HERC3: variants seen among roughly 807,000 people sequenced by gnomAD.
The protein encoded by HERC3 is probable E3 ubiquitin-protein ligase HERC3.
HERC3 carries 58 observed loss-of-function variants against 129.9 expected under a neutral mutation model. The observed-to-expected ratio is 0.45, with a 90% confidence interval of 0.36 to 0.56. HERC3 has a LOEUF of 0.56. HERC3 is among the 20% of genes least tolerant of loss of function. The probability of loss-of-function intolerance (pLI) is 0.00; values close to 1 mark genes in which losing one functional copy is unlikely to be tolerated. For synonymous variants in HERC3, 430 were observed against 451.0 expected (o/e 0.95, Z 0.59); for missense variants, 835 against 1,244.2 (o/e 0.67, Z 4.95).
At chr4:88,598,128 AT>A (rs1722591611) in intron 2 of HERC3, 1 of 152,158 alleles carries the variant, frequency 6.6e-6, no homozygotes, top group Non-Finnish European at 1.5e-5. Context: ...GCTTATCCCT[AT>A]TTTAAATGAG....
At chr4:88,573,653 G>A in the HERC3 span, among the ~76,000 whole-genome samples, 8 of 152,314 alleles carry the variant, frequency 5.3e-5, no homozygotes, top group African/African-American at 1.9e-4. Context: ...TCCCAAAGGA[G>A]ATTCCCATGC....
At chr4:88,540,810 T>G in the HERC3 span, among the ~76,000 whole-genome samples, 1 of 152,088 alleles carries the variant, frequency 6.6e-6, no homozygotes, top group African/African-American at 2.4e-5. Context: ...TAAAAAAATT[T>G]TCAATCCAGA....
chr4:88,593,390 G>C (rs899320634), intron 1 of HERC3: 2 of 152,414 alleles, frequency 1.3e-5, no homozygotes, highest in Admixed American at 1.3e-4. Context: ...AGGGCAACCA[G>C]ACCGAGAGGA....
the HERC3 span, among the ~76,000 whole-genome samples, chr4:88,563,477 T>C: frequency 3.9e-5 from 6 of 152,156 alleles, no homozygotes; most frequent in Non-Finnish European, 8.8e-5. Flanking sequence ...TCTTTCCAAT[T>C]TGGATGCCCT....
At chr4:88,549,302 C>T in the HERC3 span, among the ~76,000 whole-genome samples, 2 of 148,406 alleles carry the variant, frequency 1.3e-5, no homozygotes, top group East Asian at 4.1e-4. Context: ...AGGTTTTTTA[C>T]TTAACAGTAA....
At position 88,706,768 on chromosome 4, in the gene HERC3, C is replaced by G; in HGVS notation, c.2961C>G (p.Ser987Arg). ...KKKFLLFLTG[S>R]DRIPIYGMAS... ...TCTCCCCAGTGTTCCTGACAGGCAGCGATCGGATTCCCATCTACGGCATGG... is the reference window on the plus strand; with the variant it reads ...TCTCCCCAGTGTTCCTGACAGGCAGGGATCGGATTCCCATCTACGGCATGG... Residue 987 changes from serine (S) to arginine (R), a missense_variant, in exon 26 of 26, where the codon AGC becomes AGG. Transcript: ENST00000402738. 6.2e-7 allele frequency: 1 copy of G among 1,614,062 alleles called. No homozygotes were observed. Among genetic ancestry groups the G allele is most frequent in the Non-Finnish European group, 8.5e-7 (1 of 1,179,954 alleles).
At chr4:88,693,212 A>G (rs961358849) in intron 23 of HERC3, 1 of 980,194 alleles carries the variant, frequency 1.0e-6, no homozygotes, top group Non-Finnish European at 1.2e-6. Flanking sequence ...CCCCACCACC[A>G]TTTTTAATAA....
intron 22 of HERC3, 26 bp from the exon 23 acceptor site, chr4:88,687,191 A>G: frequency 1.3e-6 from 2 of 1,561,034 alleles, no homozygotes; most frequent in Non-Finnish European, 1.8e-6. Flanking sequence ...AAATTGAAAT[A>G]TTTCTTTTTT....
the HERC3 span, among the ~76,000 whole-genome samples, chr4:88,552,896 C>T: frequency 3.3e-5 from 5 of 152,284 alleles, no homozygotes; most frequent in Non-Finnish European, 5.9e-5. Context: ...TTCCCTCTTT[C>T]GCTACCCTCC....
At chr4:88,566,540 A>T in the HERC3 span, among the ~76,000 whole-genome samples, 1 of 152,172 alleles carries the variant, frequency 6.6e-6, no homozygotes, top group Admixed American at 6.5e-5. Context: ...TTTACATACC[A>T]CAGTTCAGTG....
At chr4:88,534,569 A>G in the HERC3 span, among the ~76,000 whole-genome samples, 1 of 152,130 alleles carries the variant, frequency 6.6e-6, no homozygotes, top group Non-Finnish European at 1.5e-5. Flanking sequence ...TCATACTGCA[A>G]GGCTTTTTTT....
chr4:88,526,918 T>C, the HERC3 span, among the ~76,000 whole-genome samples: 1,519 of 152,250 alleles, frequency 1.0e-2, 19 homozygotes, highest in South Asian at 0.034. Flanking sequence ...TTCCAATAGA[T>C]AAATGGACAA....
rs1560725267 is a variant in HERC3, at chr4:88,655,286, C to T, written c.890C>T (p.Thr297Ile). Reference sequence around the variant, plus strand: ...CTAGAGCTGATGGGTAGTGAAGTAACTCAAATTGCTTGTGGCAGGTGAGTG... The same window carrying T: ...CTAGAGCTGATGGGTAGTGAAGTAATTCAAATTGCTTGTGGCAGGTGAGTG... ...RVLELMGSEV[T>I]QIACGRQHTL... The change falls in exon 8 of 26, where the codon ACT becomes ATT. Residue 297 changes from threonine to isoleucine, a missense_variant. Physicochemically the swap from Thr to Ile is moderately conservative, Grantham distance 89 (BLOSUM62 -1). Coordinates refer to ENST00000402738, the MANE Select transcript of HERC3 (RefSeq NM_014606.3). 1 of 1,613,704 alleles carries T rather than the reference C, an allele frequency of 6.2e-7. No homozygotes were observed. The highest frequency in any genetic ancestry group is 8.5e-7 in the Non-Finnish European group (1 of 1,179,738).
intron 8 of HERC3, among the ~76,000 whole-genome samples, chr4:88,655,561 G>A (rs1729793241): frequency 6.6e-6 from 1 of 152,138 alleles, no homozygotes; most frequent in Admixed American, 6.5e-5. Flanking sequence ...GATAAAGAAA[G>A]GAAAAGTGAG....
intron 19 of HERC3, among the ~76,000 whole-genome samples, chr4:88,678,744 G>A (rs970059126): frequency 5.3e-5 from 8 of 152,058 alleles, no homozygotes; most frequent in African/African-American, 1.9e-4. Flanking sequence ...TATCCCTATT[G>A]CTAATCTTGT....
At chr4:88,697,861 C>T (rs1734823602) in intron 23 of HERC3, 2 of 1,460,040 alleles carry the variant, frequency 1.4e-6, no homozygotes, top group African/African-American at 1.4e-5. Flanking sequence ...GACGTGCGGC[C>T]GCGGGAATGA....
upstream of HERC3, among the ~76,000 whole-genome samples, chr4:88,589,088 G>A (rs1332706705): frequency 5.3e-5 from 8 of 152,134 alleles, no homozygotes; most frequent in South Asian, 6.3e-4. Flanking sequence ...ATGTGCACGC[G>A]TGTGTGCGTG....
chr4:88,680,022 T>C (rs746113431), intron 19 of HERC3, 71 bp from the exon 20 acceptor site: 5 of 1,336,956 alleles, frequency 3.7e-6, no homozygotes, highest in Non-Finnish European at 4.1e-6. Flanking sequence ...GTTTAGAAAA[T>C]GGTCTGCTAA....
At chr4:88,654,621 AAAAG>A (rs1228219850) in intron 7 of HERC3, among the ~76,000 whole-genome samples, 3 of 150,976 alleles carry the variant, frequency 2.0e-5, no homozygotes, top group Non-Finnish European at 4.4e-5. Flanking sequence ...AAATATGTAA[AAAAG>A]AAACAGCAAT....
Sources: allele counts gnomAD v4.1 joint callset (sites outside exome capture counted in the v4.1 genomes callset), GRCh38; gene constraint gnomAD v4.1.1; transcripts MANE v1.5; gene names NCBI Gene and HGNC (gene_info 2026-07-23, HGNC 2026-07-21).